WDR64: variants seen among roughly 807,000 people sequenced by gnomAD.
WDR64 encodes the protein WD repeat-containing protein 64.
In WDR64, 112 loss-of-function variants were observed where a neutral mutation model predicts 139.3. That is an observed-to-expected ratio of 0.80 (90% confidence interval 0.69 to 0.94). The LOEUF (loss-of-function observed/expected upper bound fraction) is 0.94, where lower values mean the gene tolerates loss of function less well. Ranked by LOEUF, WDR64 falls within the 40% of genes least tolerant of loss-of-function variation. The pLI is 0.00. For missense variants in WDR64, 1,206 were observed against 1,293.1 expected, an observed-to-expected ratio of 0.93 and a Z score of 1.03; for synonymous variants, 444 against 437.7, an observed-to-expected ratio of 1.01 and a Z score of -0.18.
intron 24 of WDR64, among the ~76,000 whole-genome samples, chr1:241,790,319 C>T (rs1659175552): frequency 6.6e-6 from 1 of 152,094 alleles, no homozygotes; most frequent in African/African-American, 2.4e-5. Flanking sequence ...CTACTACACT[C>T]CATACTGGGT....
chr1:241,699,480 A>G (rs1574019596), intron 8 of WDR64, among the ~76,000 whole-genome samples: 2 of 152,212 alleles, frequency 1.3e-5, no homozygotes, highest in Non-Finnish European at 2.9e-5. Context: ...GAAGGAGAAA[A>G]CAAATGAATG....
intron 21 of WDR64, among the ~76,000 whole-genome samples, chr1:241,778,330 T>C (rs1658735366): frequency 6.6e-6 from 1 of 152,206 alleles, no homozygotes. Context: ...TTGCTTTCTT[T>C]TGATTAGTGT....
chr1:241,705,462 A>G (rs1164903753), intron 8 of WDR64, among the ~76,000 whole-genome samples: 4 of 151,548 alleles, frequency 2.6e-5, no homozygotes, highest in African/African-American at 9.7e-5. Flanking sequence ...GAATGGCGTG[A>G]ACCCGGGAGG....
intron 3 of WDR64, among the ~76,000 whole-genome samples, chr1:241,673,821 A>T (rs913321348): frequency 6.6e-6 from 1 of 152,176 alleles, no homozygotes. Flanking sequence ...GTGTCTAGCT[A>T]GTCTTTTTTT....
chr1:241,778,662 A>G (rs1273454232), intron 21 of WDR64, among the ~76,000 whole-genome samples: 1 of 152,040 alleles, frequency 6.6e-6, no homozygotes, highest in East Asian at 1.9e-4. Context: ...CTTTCTTAGC[A>G]TATTTATTAT....
At chr1:241,778,028 T>C (rs981610363) in intron 21 of WDR64, among the ~76,000 whole-genome samples, 3 of 152,168 alleles carry the variant, frequency 2.0e-5, no homozygotes, top group African/African-American at 7.2e-5. Context: ...TTATATTCAG[T>C]TTATTGATGG....
chr1:241,769,914 T>C (rs879747702), intron 17 of WDR64, among the ~76,000 whole-genome samples: 5 of 152,226 alleles, frequency 3.3e-5, no homozygotes, highest in African/African-American at 4.8e-5. Context: ...TCATCCACCA[T>C]CCACTATAAC....
intron 8 of WDR64, among the ~76,000 whole-genome samples, chr1:241,697,076 C>T (rs1667521407): frequency 6.6e-6 from 1 of 152,144 alleles, no homozygotes; most frequent in Non-Finnish European, 1.5e-5. Context: ...ATTTTCTTGG[C>T]CTTACACCCT....
In WDR64 at chr1:241,790,712, A is replaced by C; in HGVS notation, c.2997+16A>C. On this transcript the variant is annotated intron_variant, in intron 25 of 27. Transcript: ENST00000437684. ...TTCTCCTAAGGTAGCTTAAAAAAAA[A>C]AAAAAAAAAGAAATGGCAACAACAA... is the stretch of plus-strand genomic sequence containing the variant. 1 of 1,549,430 alleles carries C rather than the reference A, an allele frequency of 6.5e-7. No individual in the cohort carries two copies. Among genetic ancestry groups the C allele is most frequent in the South Asian group, 1.2e-5 (1 of 83,294 alleles).
intron 7 of WDR64, 77 bp downstream of exon 7, chr1:241,683,778 A>C: frequency 8.5e-7 from 1 of 1,177,178 alleles, no homozygotes; most frequent in Non-Finnish European, 1.2e-6. Context: ...GTACAAAGTG[A>C]AAAATGAGAT....
chr1:241,683,960 G>A (rs185763268), intron 7 of WDR64, among the ~76,000 whole-genome samples: 1 of 151,370 alleles, frequency 6.6e-6, no homozygotes, highest in East Asian at 1.9e-4. Flanking sequence ...AAGTGCTATT[G>A]ACAACTAAAA....
intron 9 of WDR64, among the ~76,000 whole-genome samples, 199 bp from the exon 10 acceptor site, chr1:241,723,098 C>T (rs898391571): frequency 1.3e-5 from 2 of 152,130 alleles, no homozygotes; most frequent in African/African-American, 4.8e-5. Flanking sequence ...ACAGTCTTTA[C>T]AAAACAGCCT....
chr1:241,769,567 T>A (rs1658339517), intron 17 of WDR64, 62 bp downstream of exon 17: 2 of 1,383,248 alleles, frequency 1.4e-6, no homozygotes, highest in East Asian at 2.5e-5. Flanking sequence ...ATACATTAGG[T>A]TGATGCAAAA....
At chr1:241,664,694 G>A (rs1665963838) in intron 2 of WDR64, among the ~76,000 whole-genome samples, 1 of 151,930 alleles carries the variant, frequency 6.6e-6, no homozygotes, top group Admixed American at 6.6e-5. Flanking sequence ...TTTGTAAAAT[G>A]TCTTCTTTTA....
chr1:241,726,760 TG>T (rs1558493334), intron 10 of WDR64, among the ~76,000 whole-genome samples: 1 of 152,264 alleles, frequency 6.6e-6, no homozygotes, highest in East Asian at 1.9e-4. Flanking sequence ...CATATGTTAT[TG>T]GAAATGATTA....
At chr1:241,769,283 T>C in intron 16 of WDR64, 121 bp from the exon 17 acceptor site, 1 of 753,842 alleles carries the variant, frequency 1.3e-6, no homozygotes, top group Non-Finnish European at 2.1e-6. Flanking sequence ...CATTTTCTTT[T>C]CATGTTCAAT....
intron 10 of WDR64, among the ~76,000 whole-genome samples, chr1:241,729,011 A>T (rs1344474670): frequency 6.6e-6 from 1 of 152,190 alleles, no homozygotes; most frequent in East Asian, 1.9e-4. Context: ...TTTAAAAAAA[A>T]TTCTGCCTAC....
At chr1:241,788,349 A>T (rs1659115217) in intron 24 of WDR64, among the ~76,000 whole-genome samples, 1 of 152,186 alleles carries the variant, frequency 6.6e-6, no homozygotes, top group African/African-American at 2.4e-5. Flanking sequence ...ACAGAATGTG[A>T]GAGAGAAGCT....
intron 10 of WDR64, among the ~76,000 whole-genome samples, chr1:241,737,883 A>T (rs923474022): frequency 6.6e-6 from 1 of 152,180 alleles, no homozygotes; most frequent in African/African-American, 2.4e-5. Context: ...TAATTCTTAC[A>T]TATCTGGGCA....
Sources: gnomAD v4.1 joint callset for allele counts (sites outside exome capture counted in the v4.1 genomes callset) on GRCh38, gnomAD v4.1.1 for gene constraint, MANE v1.5 for transcripts, NCBI Gene and HGNC (gene_info 2026-07-23, HGNC 2026-07-21) for gene names.